Variants in CAMSAP3 observed in about 807,000 individuals in gnomAD.
CAMSAP3 encodes the protein calmodulin regulated spectrin associated protein family member 3, also known as calmodulin-regulated spectrin-associated protein 3.
CAMSAP3 carries 34 observed loss-of-function variants against 112.5 expected under a neutral mutation model. That is an observed-to-expected ratio of 0.30 (90% confidence interval 0.23 to 0.40). CAMSAP3 has a LOEUF of 0.40. CAMSAP3 is among the 10% of genes least tolerant of loss of function. CAMSAP3 has a pLI of 1.00. For missense variants in CAMSAP3, 1,602 were observed against 1,770.3 expected, an observed-to-expected ratio of 0.90 and a Z score of 1.71; for synonymous variants, 868 against 799.8, an observed-to-expected ratio of 1.09 and a Z score of -1.44.
At position 7,617,114 on chromosome 19, in the gene CAMSAP3, A is replaced by G. The variant is rs1166472062; in HGVS notation, c.3213-212A>G. ...CCCGTGCCTGTAGAGACGGTGTTTCACCATGTTGGCCAGGCTGGCCTCGAA... is the reference window on the plus strand; with the variant it reads ...CCCGTGCCTGTAGAGACGGTGTTTCGCCATGTTGGCCAGGCTGGCCTCGAA... On this transcript the variant is annotated intron_variant, in intron 14 of 16. Transcript: ENST00000160298. The surrounding 1 kb of genome is among the most constrained non-coding windows in gnomAD (Gnocchi z 7.5). Among the ~76,000 whole-genome samples the G allele has an allele frequency of 6.6e-6, 1 of 151,050 alleles. No homozygotes were observed. The highest frequency in any genetic ancestry group is 1.9e-4 in the East Asian group (1 of 5,144).
At chr19:7,608,351 C>A in intron 5 of CAMSAP3, 87 bp downstream of exon 5, 4 of 1,488,642 alleles carry the variant, frequency 2.7e-6, no homozygotes, top group Non-Finnish European at 3.6e-6. Context: ...CCCAGGTCCG[C>A]GAGACCAGCA....
In CAMSAP3 at chr19:7,612,536, A is replaced by G; in HGVS notation, c.2043A>G (p.Ala681=). The change falls in exon 11 of 17, where the codon GCA becomes GCG. Residue 681 remains alanine, a synonymous_variant. Coordinates refer to ENST00000160298, the MANE Select transcript of CAMSAP3 (RefSeq NM_020902.2). ...GTGAGCCAACCTCACGGCCCAAGGC[A>G]GTGACCTTCTCGCCAGACCTGGGCC... The part of the protein sequence containing the change: ...GQGEPTSRPK[A]VTFSPDLGPV... The G allele has an allele frequency of 6.5e-7, 1 of 1,537,492 alleles. No homozygotes were observed. Among genetic ancestry groups the G allele is most frequent in the East Asian group, 2.4e-5 (1 of 40,890 alleles).
chr19:7,616,281 C>T (rs149203204), intron 13 of CAMSAP3: 8 of 470,850 alleles, frequency 1.7e-5, no homozygotes, highest in African/African-American at 1.2e-4. Flanking sequence ...TGGATAGGAA[C>T]CTTTGGGAGT....
chr19:7,615,729 C>T lies in CAMSAP3; in HGVS notation c.3112+10C>T. 2 of 1,350,998 alleles carry T rather than the reference C, an allele frequency of 1.5e-6. No homozygotes were observed. The highest frequency in any genetic ancestry group is 1.9e-6 in the Non-Finnish European group (2 of 1,054,030). The allele number at this position is 1,350,998 out of a possible 1,614,324, so 83.7% of individuals were successfully genotyped here. Reference sequence around the variant, plus strand: ...GCCCGCGGCCTGCTGGGTGAGGACCCTTGGGGGACGGGGCCTGCCCAGTGC... The same window carrying T: ...GCCCGCGGCCTGCTGGGTGAGGACCTTTGGGGGACGGGGCCTGCCCAGTGC... On this transcript the variant is annotated intron_variant, in intron 13 of 16. Coordinates refer to ENST00000160298, the MANE Select transcript of CAMSAP3 (RefSeq NM_020902.2). The surrounding 1 kb of genome is among the most constrained non-coding windows in gnomAD (Gnocchi z 6.5).
intron 11 of CAMSAP3, chr19:7,614,845 C>T (rs1644755): frequency 0.2 from 85,964 of 424,930 alleles, 9,279 homozygotes; most frequent in Non-Finnish European, 0.23. Context: ...TCTGGGAAGC[C>T]TTCCTGGGTG....
intron 4 of CAMSAP3, chr19:7,606,913 C>G (rs1254057979): frequency 7.8e-7 from 1 of 1,277,352 alleles, no homozygotes; most frequent in East Asian, 2.3e-5. Context: ...CTCATACCTC[C>G]CCAAGCTGTG....
chr19:7,613,458 C>T (rs2030617370), intron 11 of CAMSAP3, among the ~76,000 whole-genome samples: 1 of 146,626 alleles, frequency 6.8e-6, no homozygotes, highest in Non-Finnish European at 1.5e-5. Flanking sequence ...TAAGGACTTC[C>T]ACAAGGGGCT....
intron 1 of CAMSAP3, among the ~76,000 whole-genome samples, chr19:7,596,724 C>CG (rs758633706): frequency 8.1e-4 from 121 of 148,624 alleles, no homozygotes; most frequent in Non-Finnish European, 1.3e-3. Context: ...CTCTGGGAAC[C>CG]CCCTTTCGCC....
rs1289909264 is a variant in CAMSAP3, at chr19:7,617,009, C to T, written c.3213-317C>T. Among the ~76,000 whole-genome samples, 3 of 129,982 alleles carry T rather than the reference C, an allele frequency of 2.3e-5. No individual in the cohort carries two copies. The highest frequency in any genetic ancestry group is 9.0e-5 in the African/African-American group (3 of 33,404). The allele number at this position is 129,982 out of a possible 152,430, so 85.3% of individuals were successfully genotyped here. A position where few individuals can be genotyped will look rare whatever the true frequency, so the allele number is the denominator to read the frequency against. On this transcript the variant is annotated intron_variant, in intron 14 of 16. Transcript: ENST00000160298. This position sits in a 1 kb window ranked among gnomAD's most constrained non-coding sequence, Gnocchi z 7.5. ...TGTCGCCCAGGCTGGAGTGCAGTGGCGCAATCTTGGCTCACGGCAACCTCC... is the reference window on the plus strand; with the variant it reads ...TGTCGCCCAGGCTGGAGTGCAGTGGTGCAATCTTGGCTCACGGCAACCTCC...
chr19:7,603,562 C>T lies in CAMSAP3; in HGVS notation c.149-1664C>T, dbSNP rs569244708. Among the ~76,000 whole-genome samples the T allele has an allele frequency of 8.5e-5, 13 of 152,124 alleles. No homozygotes were observed. The East Asian group carries it at 2.1e-3, about 25-fold the overall frequency. On this transcript the variant is annotated intron_variant, in intron 1 of 16. Coordinates refer to ENST00000160298, the MANE Select transcript of CAMSAP3 (RefSeq NM_020902.2). ...ACACACAGAACCCCAATATACAAAA[C>T]AAGTCTGGGCACAGTGGCTTACCCC...
At position 7,610,251 on chromosome 19, in the gene CAMSAP3, G is replaced by A. The variant is rs1465782400; in HGVS notation, c.761-225G>A. Among the ~76,000 whole-genome samples, 8 of 151,534 alleles carry A rather than the reference G, an allele frequency of 5.3e-5. No individual in the cohort carries two copies. Among genetic ancestry groups the A allele is most frequent in the Non-Finnish European group, 1.2e-4 (8 of 67,926 alleles). On this transcript the variant is annotated intron_variant, in intron 5 of 16. Coordinates refer to ENST00000160298, the MANE Select transcript of CAMSAP3 (RefSeq NM_020902.2). This position sits in a 1 kb window ranked among gnomAD's most constrained non-coding sequence, Gnocchi z 4.9. ...GAGAATCACTTGAACCCGGGAGGCA[G>A]AGGTTGCAGTGAGCTGGGATTGCGC... is the stretch of plus-strand genomic sequence containing the variant.
In CAMSAP3 at chr19:7,617,757, T is replaced by C; in HGVS notation, c.3450T>C (p.Ile1150=). The change falls in exon 17 of 17, where the codon ATT becomes ATC. Residue 1150 remains isoleucine, a synonymous_variant. Coordinates refer to ENST00000160298, the MANE Select transcript of CAMSAP3 (RefSeq NM_020902.2). The surrounding 1 kb of genome is among the most constrained non-coding windows in gnomAD (Gnocchi z 7.5). ...TTTCCAGCACTCCTGCCCAGGAAAT[T>C]GAGAAAAGCAAGGCCAACCACTTCC... is the stretch of plus-strand genomic sequence containing the variant. ...EPQKNRILEE[I]EKSKANHFLI... 4 of 1,611,298 alleles carry C rather than the reference T, an allele frequency of 2.5e-6. No homozygotes were observed. The South Asian group carries it at 4.4e-5, about 18-fold the overall frequency.
chr19:7,597,372 A>G (rs778561632), intron 1 of CAMSAP3, among the ~76,000 whole-genome samples: 4 of 152,232 alleles, frequency 2.6e-5, no homozygotes, highest in Non-Finnish European at 5.9e-5. Flanking sequence ...CAGCCAGGAC[A>G]GCCCCAGCTC....
In CAMSAP3 at chr19:7,615,068, A is replaced by T; in HGVS notation, c.2671-115A>T. 1 of 1,281,708 alleles carries T rather than the reference A, an allele frequency of 7.8e-7. No homozygotes were observed. The allele number at this position is 1,281,708 out of a possible 1,614,324, so 79.4% of individuals were successfully genotyped here. A position where few individuals can be genotyped will look rare whatever the true frequency, so the allele number is the denominator to read the frequency against. ...TAGGCACCAACTAAGTGCATTTAGA[A>T]CAATGATGAAAACAAAAGCACAGGT... On this transcript the variant is annotated intron_variant, in intron 11 of 16. Coordinates refer to ENST00000160298, the MANE Select transcript of CAMSAP3 (RefSeq NM_020902.2). This position sits in a 1 kb window ranked among gnomAD's most constrained non-coding sequence, Gnocchi z 6.5.
chr19:7,606,738 C>T (rs912901346), intron 4 of CAMSAP3, 167 bp downstream of exon 4: 4 of 1,613,330 alleles, frequency 2.5e-6, no homozygotes, highest in African/African-American at 2.7e-5. Flanking sequence ...TCCCCTGTGC[C>T]GGTACCCGCT....
intron 1 of CAMSAP3, among the ~76,000 whole-genome samples, chr19:7,599,902 C>T (rs1461468820): frequency 3.1e-5 from 1 of 32,182 alleles, no homozygotes; most frequent in African/African-American, 1.6e-4. Flanking sequence ...CATCCACCCA[C>T]CCATCCACCC....
chr19:7,616,197 CAAA>C (rs74266728), intron 13 of CAMSAP3, among the ~76,000 whole-genome samples: 1,028 of 94,496 alleles, frequency 0.011, 10 homozygotes, highest in African/African-American at 0.033. Context: ...AGAAATAAGA[CAAA>C]AAAAAAAAAA....
In CAMSAP3 at chr19:7,612,743, G is replaced by A. The variant is rs752988718; in HGVS notation, c.2250G>A (p.Thr750=). 5.9e-6 allele frequency: 9 copies of A among 1,531,782 alleles called. No individual in the cohort carries two copies. The highest frequency in any genetic ancestry group is 7.0e-6 in the Non-Finnish European group (8 of 1,144,618). The allele number at this position is 1,531,782 out of a possible 1,614,324, so 94.9% of individuals were successfully genotyped here. The change falls in exon 11 of 17, where the codon ACG becomes ACA. Residue 750 remains threonine, a synonymous_variant. Transcript: ENST00000160298. ...PAAWVIPGPT[T]GPKAASPSPA... ...CGTGGGTCATCCCTGGCCCCACGAC[G>A]GGGCCCAAAGCTGCATCCCCCAGCC... is the stretch of plus-strand genomic sequence containing the variant.
intron 1 of CAMSAP3, among the ~76,000 whole-genome samples, chr19:7,597,601 C>A (rs192671666): frequency 6.6e-6 from 1 of 152,164 alleles, no homozygotes; most frequent in East Asian, 1.9e-4. Flanking sequence ...TGATGGAGAC[C>A]CCCCGTTACC....
Sources: gnomAD v4.1 joint callset for allele counts (sites outside exome capture counted in the v4.1 genomes callset) on GRCh38, gnomAD v4.1.1 for gene constraint, Gnocchi (gnomAD v3.1) non-coding constraint, MANE v1.5 for transcripts, NCBI Gene and HGNC (gene_info 2026-07-23, HGNC 2026-07-21) for gene names.